The following TRPM1 variants were observed in gnomAD, a reference collection of about 807,000 sequenced individuals.
TRPM1 encodes TRPM1-203 APA Isoform, Intron 10.
A neutral mutation model predicts 149.4 loss-of-function variants in TRPM1; 113 were observed. The observed-to-expected ratio is 0.76, with a 90% CI of 0.65 to 0.88. TRPM1 has a LOEUF of 0.88. Among genes scored for constraint, TRPM1 ranks in the 40% least tolerant of loss-of-function variants. TRPM1 has a pLI of 0.00. For synonymous variants in TRPM1, 741 were observed against 759.5 expected (o/e 0.98, Z 0.40); for missense variants, 1,976 against 2,038.7 (o/e 0.97, Z 0.59).
intron 1 of TRPM1, among the ~76,000 whole-genome samples, chr15:31,136,929 C>T (rs2036096976): frequency 6.6e-6 from 1 of 152,068 alleles, no homozygotes; most frequent in African/African-American, 2.4e-5. Flanking sequence ...AGGAAGGAAC[C>T]TGAAAGAGAG....
rs1339534471 is a variant in TRPM1, at chr15:31,047,959, G to A, written c.1573-20C>T. 2 of 1,611,992 alleles carry A rather than the reference G, an allele frequency of 1.2e-6. No homozygotes were observed. The highest frequency in any genetic ancestry group is 1.7e-6 in the Non-Finnish European group (2 of 1,178,122). On this transcript the variant is annotated intron_variant, in intron 13 of 27. Transcript: ENST00000256552. ...CAGTCTCTGAAAGAGAAGCATTCAT[G>A]TGTGTTAAATATGTTTTTCTTGGCC...
At chr15:31,091,182 T>G (rs1430395860) in intron 1 of TRPM1, among the ~76,000 whole-genome samples, 2 of 152,228 alleles carry the variant, frequency 1.3e-5, no homozygotes, top group African/African-American at 4.8e-5. Context: ...GCCAGTGGGA[T>G]GGCAGAGCTG....
chr15:31,016,089 T>G (rs1190398960), intron 27 of TRPM1, among the ~76,000 whole-genome samples: 6 of 152,242 alleles, frequency 3.9e-5, no homozygotes, highest in Non-Finnish European at 5.9e-5. Context: ...GTCTTGGTGA[T>G]GTCAGGGACC....
rs903044152 is a variant in TRPM1, at chr15:31,040,406, C to T, written c.2088-60G>A. On this transcript the variant is annotated intron_variant, in intron 17 of 27. Transcript: ENST00000256552. The surrounding 1 kb of genome is among the most constrained non-coding windows in gnomAD (Gnocchi z 4.2). Reference sequence around the variant, plus strand: ...CAGTGGCCGCAAGCTGTTTCTTAGACAGGCATATCCACCAAGGACTTATGG... The same window carrying T: ...CAGTGGCCGCAAGCTGTTTCTTAGATAGGCATATCCACCAAGGACTTATGG... The T allele has an allele frequency of 1.9e-5, 27 of 1,415,234 alleles. No individual in the cohort carries two copies. The highest frequency in any genetic ancestry group is 2.7e-5 in the Non-Finnish European group (27 of 1,002,244). The allele number at this position is 1,415,234 out of a possible 1,614,324, so 87.7% of individuals were successfully genotyped here.
At chr15:31,072,018 TAGAGAGAGAGAG>T (rs61039099) in intron 3 of TRPM1, among the ~76,000 whole-genome samples, 89 of 36,898 alleles carry the variant, frequency 2.4e-3, no homozygotes, top group Non-Finnish European at 3.7e-3. Flanking sequence ...TATATATATA[TAGAGAGAGAGAG>T]AGAGAGAGAG....
intron 1 of TRPM1, among the ~76,000 whole-genome samples, chr15:31,149,636 C>T (rs2141059974): frequency 6.6e-6 from 1 of 151,872 alleles, no homozygotes; most frequent in South Asian, 2.1e-4. Context: ...TCTCCTGCCT[C>T]AGCCTCCCGA....
Position 31,062,692 on chromosome 15 carries a change from C to A in TRPM1, c.976G>T (p.Glu326Ter). The A allele has an allele frequency of 6.2e-7, 1 of 1,613,930 alleles. No individual in the cohort carries two copies. Among genetic ancestry groups the A allele is most frequent in the East Asian group, 2.2e-5 (1 of 44,882 alleles). ...KYCEEGGIIN[E>*]SLREQLLVTI... ...ACTAGAAGCTGCTCCCTGAGGGACT[C>A]ATTTATTATTCTGTTCAAAGAAAAT... Residue 326 changes from glutamate (E) to a stop codon, truncating the protein, a stop_gained, in exon 9 of 28, where the codon GAG becomes TAG. Coordinates refer to ENST00000256552, the MANE Select transcript of TRPM1 (RefSeq NM_001252024.2). LOFTEE classifies it high-confidence loss of function.
At chr15:31,012,021 C>T (rs1358780596) in intron 27 of TRPM1, among the ~76,000 whole-genome samples, 1 of 152,222 alleles carries the variant, frequency 6.6e-6, no homozygotes, top group Non-Finnish European at 1.5e-5. Flanking sequence ...GCTCCATCCT[C>T]CCCCCATGTT....
intron 1 of TRPM1, among the ~76,000 whole-genome samples, chr15:31,151,804 C>T (rs576271895): frequency 6.6e-6 from 1 of 152,382 alleles, no homozygotes; most frequent in East Asian, 1.9e-4. Context: ...GATCAATGTC[C>T]ATTTGGCAAA....
chr15:31,091,612 C>T (rs1174875974), intron 1 of TRPM1, among the ~76,000 whole-genome samples: 1 of 152,072 alleles, frequency 6.6e-6, no homozygotes, highest in Non-Finnish European at 1.5e-5. Context: ...GGGAGTGGTC[C>T]TACAGAGAAG....
At chr15:31,091,516 C>T (rs572645573) in intron 1 of TRPM1, among the ~76,000 whole-genome samples, 4 of 152,268 alleles carry the variant, frequency 2.6e-5, no homozygotes, top group Non-Finnish European at 5.9e-5. Flanking sequence ...GGGGCAGATC[C>T]GAAGGGCAGG....
At chr15:31,039,629 T>G (rs1251491946) in intron 18 of TRPM1, among the ~76,000 whole-genome samples, 2 of 152,250 alleles carry the variant, frequency 1.3e-5, no homozygotes, top group African/African-American at 4.8e-5. Context: ...TATATCTTTT[T>G]CAAACCCTTT....
intron 7 of TRPM1, among the ~76,000 whole-genome samples, chr15:31,065,720 G>C (rs886458594): frequency 1.3e-5 from 2 of 152,180 alleles, no homozygotes; most frequent in African/African-American, 4.8e-5. Flanking sequence ...CAAATAGAAA[G>C]AATCCTACTA....
intron 1 of TRPM1, among the ~76,000 whole-genome samples, chr15:31,086,856 A>C (rs1038490215): frequency 6.6e-5 from 10 of 152,214 alleles, no homozygotes; most frequent in Non-Finnish European, 1.3e-4. Flanking sequence ...AAATATATTA[A>C]TATTTACAAT....
intron 1 of TRPM1, among the ~76,000 whole-genome samples, chr15:31,128,644 T>C (rs528072102): frequency 6.6e-6 from 1 of 152,324 alleles, no homozygotes; most frequent in African/African-American, 2.4e-5. Flanking sequence ...ACCGCATCAC[T>C]GACGGGCATA....
chr15:31,137,048 C>T (rs1393515276), intron 1 of TRPM1, among the ~76,000 whole-genome samples: 1 of 152,186 alleles, frequency 6.6e-6, no homozygotes. Flanking sequence ...GTTCTGCTCT[C>T]TTTTGCATTA....
At chr15:31,020,090 C>T (rs1315090144) in intron 27 of TRPM1, among the ~76,000 whole-genome samples, 1 of 152,222 alleles carries the variant, frequency 6.6e-6, no homozygotes, top group Non-Finnish European at 1.5e-5. Flanking sequence ...TAAACATACC[C>T]CAGACTTCCT....
intron 1 of TRPM1, among the ~76,000 whole-genome samples, chr15:31,145,719 G>A (rs942389393): frequency 2.0e-5 from 3 of 152,112 alleles, no homozygotes; most frequent in Admixed American, 6.5e-5. Flanking sequence ...ATCAGGTAGC[G>A]TAGAGACACG....
rs766236272 is a variant in TRPM1 at position 31,070,222 on chromosome 15, A to G, written c.88T>C (p.Cys30Arg). ...IPSMKDSNRC[C>R]CGQFTNQHIP... ...TGCTGGTTGGTGAACTGGCCACAGC[A>G]ACACCTGAAAACAAAGGCAAAGCAG... Residue 30 changes from cysteine (C) to arginine (R), a missense_variant, in exon 4 of 28, where the codon TGC (cysteine) becomes CGC (arginine). By Grantham distance (180) the Cys-to-Arg change is radical. Coordinates refer to ENST00000256552, the MANE Select transcript of TRPM1 (RefSeq NM_001252024.2). 1 of 1,613,398 alleles carries G rather than the reference A, an allele frequency of 6.2e-7. No homozygotes were observed. The highest frequency in any genetic ancestry group is 1.7e-5 in the Admixed American group (1 of 60,028).
Sources: allele counts gnomAD v4.1 joint callset (sites outside exome capture counted in the v4.1 genomes callset), GRCh38; gene constraint gnomAD v4.1.1; non-coding constraint Gnocchi (gnomAD v3.1); transcripts MANE v1.5; gene names NCBI Gene and HGNC (gene_info 2026-07-23, HGNC 2026-07-21).